The following PTPRD variants were observed in gnomAD, a reference collection of about 807,000 sequenced individuals.
PTPRD encodes the protein protein tyrosine phosphatase receptor type D.
A neutral mutation model predicts 214.5 loss-of-function variants in PTPRD; 34 were observed. The observed-to-expected ratio is 0.16, with a 90% confidence interval of 0.12 to 0.21. The LOEUF (loss-of-function observed/expected upper bound fraction) is 0.21. Among genes scored for constraint, PTPRD ranks in the 10% least tolerant of loss-of-function variants. The pLI is 1.00. For missense variants in PTPRD, 2,545 were observed against 2,398.7 expected (o/e 1.06, Z -1.27); for synonymous variants, 1,128 against 845.7 (o/e 1.33, Z -5.79).
chr9:8,726,489 T>C (rs1598092672), intron 12 of PTPRD, among the ~76,000 whole-genome samples: 1 of 145,078 alleles, frequency 6.9e-6, no homozygotes, highest in Non-Finnish European at 1.5e-5. Context: ...TCCAGCACTT[T>C]GGGAGGCTGA....
At chr9:8,713,296 C>T (rs2098384033) in intron 12 of PTPRD, 10 of 716,260 alleles carry the variant, frequency 1.4e-5, no homozygotes, top group Non-Finnish European at 2.0e-5. Flanking sequence ...TGGCGGCGAG[C>T]GCGGAGAGGA....
At chr9:9,117,220 GTT>G (rs77848911) in intron 10 of PTPRD, among the ~76,000 whole-genome samples, 10 of 134,254 alleles carry the variant, frequency 7.4e-5, no homozygotes, top group Non-Finnish European at 7.9e-5. Flanking sequence ...AGGAAATTAA[GTT>G]TTTTTTTTTT....
At chr9:9,475,011 A>T (rs150354689) in intron 8 of PTPRD, among the ~76,000 whole-genome samples, 233 of 152,260 alleles carry the variant, frequency 1.5e-3, no homozygotes, top group African/African-American at 5.3e-3. Flanking sequence ...CAGCCAATGT[A>T]GATGAAGTAC....
chr9:8,570,242 C>T (rs2090711352), intron 14 of PTPRD, among the ~76,000 whole-genome samples: 2 of 152,062 alleles, frequency 1.3e-5, no homozygotes, highest in Admixed American at 1.3e-4. Context: ...AATAAATACA[C>T]TCCTCATAAT....
chr9:8,609,882 C>T (rs1342096219), intron 14 of PTPRD, among the ~76,000 whole-genome samples: 2 of 152,068 alleles, frequency 1.3e-5, no homozygotes, highest in Admixed American at 1.3e-4. Flanking sequence ...AGAAAAAATT[C>T]AGTATATTTC....
chr9:8,929,723 ATATATATGTG>A (rs2098931864), intron 11 of PTPRD, among the ~76,000 whole-genome samples: 2 of 111,960 alleles, frequency 1.8e-5, no homozygotes, highest in African/African-American at 3.5e-5. Flanking sequence ...ATATGTGTAT[ATATATATGTG>A]TATATATATG....
At chr9:10,402,194 G>T (rs2098280356) in intron 2 of PTPRD, among the ~76,000 whole-genome samples, 1 of 151,624 alleles carries the variant, frequency 6.6e-6, no homozygotes, top group Non-Finnish European at 1.5e-5. Flanking sequence ...ATATTATTTA[G>T]ATATCTTCAG....
intron 2 of PTPRD, among the ~76,000 whole-genome samples, chr9:10,574,933 G>C (rs974523116): frequency 6.6e-6 from 1 of 151,366 alleles, no homozygotes; most frequent in Non-Finnish European, 1.5e-5. Flanking sequence ...CTTTCTAAAA[G>C]TATTTGAGAA....
intron 8 of PTPRD, among the ~76,000 whole-genome samples, chr9:9,445,770 G>C (rs1345749681): frequency 1.3e-5 from 2 of 152,142 alleles, no homozygotes; most frequent in East Asian, 3.9e-4. Context: ...TTCAGGATGA[G>C]ATTTGGGTGG....
At chr9:8,703,297 G>A (rs2098130766) in intron 12 of PTPRD, among the ~76,000 whole-genome samples, 1 of 152,166 alleles carries the variant, frequency 6.6e-6, no homozygotes, top group Non-Finnish European at 1.5e-5. Context: ...GAGTACTTAT[G>A]ATATTACATA....
chr9:9,442,919 T>C (rs2088744790), intron 8 of PTPRD, among the ~76,000 whole-genome samples: 1 of 152,188 alleles, frequency 6.6e-6, no homozygotes, highest in Non-Finnish European at 1.5e-5. Context: ...TTTTTATCCA[T>C]ACATGTAACA....
intron 5 of PTPRD, among the ~76,000 whole-genome samples, chr9:9,775,610 T>A (rs757119716): frequency 6.6e-6 from 1 of 152,166 alleles, no homozygotes; most frequent in Non-Finnish European, 1.5e-5. Context: ...TTTATCTTCA[T>A]CCAATCTCCC....
At chr9:9,913,520 C>G (rs919418442) in intron 5 of PTPRD, among the ~76,000 whole-genome samples, 3 of 151,982 alleles carry the variant, frequency 2.0e-5, no homozygotes, top group Admixed American at 6.6e-5. Context: ...ACTGGAGTGT[C>G]GAAGGGAAAG....
chr9:9,015,150 G>C lies in PTPRD; in HGVS notation c.-104+3547C>G, dbSNP rs951558649. Among the ~76,000 whole-genome samples the C allele has an allele frequency of 2.0e-5, 3 of 152,132 alleles. No individual in the cohort carries two copies. In the South Asian group the frequency reaches 6.2e-4, roughly 31 times the overall value. ...AACAATCAATCAATCAATCATGAAT[G>C]TGTCAGAGGCATTTAAACCAGAGCA... On this transcript the variant is annotated intron_variant, in intron 11 of 45. Coordinates refer to ENST00000381196, the MANE Select transcript of PTPRD (RefSeq NM_002839.4).
chr9:9,947,501 T>A (rs182185950), intron 4 of PTPRD, among the ~76,000 whole-genome samples: 648 of 22,718 alleles, frequency 0.029, 14 homozygotes, highest in East Asian at 0.19. Context: ...TTATATATAT[T>A]TTATATATAT....
intron 2 of PTPRD, among the ~76,000 whole-genome samples, chr9:10,390,416 C>T (rs10959088): frequency 0.62 from 93,390 of 151,610 alleles, 30,878 homozygotes; most frequent in Non-Finnish European, 0.76. Flanking sequence ...ATACTGGTTA[C>T]CTGAGAGTCG....
At chr9:10,194,474 T>C (rs1367664171) in intron 3 of PTPRD, among the ~76,000 whole-genome samples, 2 of 151,652 alleles carry the variant, frequency 1.3e-5, no homozygotes, top group Non-Finnish European at 2.9e-5. Flanking sequence ...GAATTGTTTA[T>C]TGATCAGGAA....
chr9:9,772,990 TATC>T (rs2098765340), intron 5 of PTPRD, among the ~76,000 whole-genome samples: 1 of 152,172 alleles, frequency 6.6e-6, no homozygotes, highest in Non-Finnish European at 1.5e-5. Flanking sequence ...CTAAATGCCT[TATC>T]ATAGAATAAA....
At chr9:9,846,414 C>A (rs543558767) in intron 5 of PTPRD, among the ~76,000 whole-genome samples, 1 of 152,080 alleles carries the variant, frequency 6.6e-6, no homozygotes, top group African/African-American at 2.4e-5. Context: ...GCTACACTCT[C>A]GAGACTTTAT....
Sources: allele counts gnomAD v4.1 joint callset (sites outside exome capture counted in the v4.1 genomes callset), GRCh38; gene constraint gnomAD v4.1.1; transcripts MANE v1.5; gene names NCBI Gene and HGNC (gene_info 2026-07-23, HGNC 2026-07-21).